LPCAT1: variants seen among roughly 807,000 people sequenced by gnomAD.
LPCAT1 encodes 1-acylglycerol-3-phosphate O-acyltransferase.
A neutral mutation model predicts 60.9 loss-of-function variants in LPCAT1; 23 were observed. The ratio of observed to expected loss-of-function variants is 0.38; its 90% CI spans 0.27 to 0.53. The LOEUF is 0.53. Ranked by LOEUF, LPCAT1 falls within the 20% of genes least tolerant of loss-of-function variation. The probability of loss-of-function intolerance (pLI) is 0.82; values close to 1 mark genes in which losing one functional copy is unlikely to be tolerated. For missense variants in LPCAT1, 622 were observed against 723.6 expected (o/e 0.86, Z 1.61); for synonymous variants, 340 against 301.1 (o/e 1.13, Z -1.34).
At chr5:1,499,421 C>T (rs1214941206) in intron 2 of LPCAT1, among the ~76,000 whole-genome samples, 5 of 152,208 alleles carry the variant, frequency 3.3e-5, no homozygotes, top group Admixed American at 1.3e-4. Flanking sequence ...TACAGAACCC[C>T]CACTTTCTAG....
chr5:1,515,409 G>A (rs898735111), intron 1 of LPCAT1, among the ~76,000 whole-genome samples: 1 of 150,730 alleles, frequency 6.6e-6, no homozygotes, highest in East Asian at 2.0e-4. Flanking sequence ...AGCCTGCCCT[G>A]TACACCCTGC....
intron 11 of LPCAT1, among the ~76,000 whole-genome samples, chr5:1,472,104 A>C (rs777826419): frequency 6.2e-5 from 3 of 48,260 alleles, no homozygotes; most frequent in Non-Finnish European, 1.2e-4. Flanking sequence ...GCAGGAGATA[A>C]TGAGCACCCA....
At chr5:1,515,814 C>T (rs181752774) in intron 1 of LPCAT1, among the ~76,000 whole-genome samples, 8 of 152,090 alleles carry the variant, frequency 5.3e-5, no homozygotes, top group Admixed American at 6.5e-5. Context: ...TCTGGGTCTG[C>T]GCCACCATCT....
chr5:1,497,085 A>C lies in LPCAT1; in HGVS notation c.279-2171T>G, dbSNP rs551765862. 5.9e-5 allele frequency among the ~76,000 whole-genome samples: 9 copies of C among 152,348 alleles called. 1 individual carries two copies. The East Asian group carries it at 1.7e-3, about 29-fold the overall frequency. On this transcript the variant is annotated intron_variant, in intron 2 of 13. Transcript: ENST00000283415. ...AGCAGAGGACTGACCCCAAGGAGACAGAAAGGGTGGGCATCAGAAGAGGGG... is the reference window on the plus strand; with the variant it reads ...AGCAGAGGACTGACCCCAAGGAGACCGAAAGGGTGGGCATCAGAAGAGGGG...
At chr5:1,466,164 G>A (rs960741167) in intron 13 of LPCAT1, among the ~76,000 whole-genome samples, 2 of 152,230 alleles carry the variant, frequency 1.3e-5, no homozygotes, top group African/African-American at 2.4e-5. Flanking sequence ...GAGGCGCCCC[G>A]GGCTCGGGTT....
chr5:1,513,174 C>T (rs1034796167), intron 1 of LPCAT1, among the ~76,000 whole-genome samples: 5 of 152,204 alleles, frequency 3.3e-5, no homozygotes, highest in Non-Finnish European at 7.3e-5. Flanking sequence ...CCAGGCTGGC[C>T]TCCGGGTCCT....
intron 1 of LPCAT1, among the ~76,000 whole-genome samples, chr5:1,514,079 A>T (rs1037170988): frequency 6.6e-6 from 1 of 152,244 alleles, no homozygotes; most frequent in Non-Finnish European, 1.5e-5. Context: ...AGAAGCTCCA[A>T]TGAGAACGGG....
intron 1 of LPCAT1, among the ~76,000 whole-genome samples, chr5:1,520,609 C>A (rs1436869958): frequency 6.6e-6 from 1 of 151,880 alleles, no homozygotes; most frequent in Admixed American, 6.6e-5. Context: ...GCCTGTAATC[C>A]CAGCACTTTG....
chr5:1,466,772 T>C lies in LPCAT1; in HGVS notation c.1397A>G (p.Glu466Gly). The part of the protein sequence containing the change: ...VTDLFRAIDQ[E>G]EKGKITFADF... ...ACCGAATGTGATCTTCCCCTTCTCC[T>C]CTTGGTCAATGGCTCGGAATAGGTC... is the stretch of plus-strand genomic sequence containing the variant. Residue 466 changes from glutamate to glycine, a missense_variant, in exon 13 of 14, where the codon GAG (glutamate) becomes GGG (glycine). Physicochemically the swap from Glu to Gly is moderately conservative, Grantham distance 98 (BLOSUM62 -2). Around this residue, in one of 3 missense-constraint regions of LPCAT1, gnomAD observed 288 missense variants for 283.6 expected, o/e 1.02. Transcript: ENST00000283415. The C allele has an allele frequency of 1.6e-5, 25 of 1,612,138 alleles. No individual in the cohort carries two copies. The highest frequency in any genetic ancestry group is 2.0e-5 in the Non-Finnish European group (24 of 1,178,890).
intron 1 of LPCAT1, among the ~76,000 whole-genome samples, chr5:1,507,134 G>A (rs1340258608): frequency 1.3e-5 from 2 of 152,288 alleles, no homozygotes; most frequent in East Asian, 1.9e-4. Flanking sequence ...AGGAGAACAC[G>A]GACCACGCTC....
In LPCAT1 at chr5:1,477,598, T is replaced by A; in HGVS notation, c.817-112A>T. On this transcript the variant is annotated intron_variant, in intron 8 of 13. Coordinates refer to ENST00000283415, the MANE Select transcript of LPCAT1 (RefSeq NM_024830.5). This position sits in a 1 kb window ranked among gnomAD's most constrained non-coding sequence, Gnocchi z 6.0. ...TAAGATCTGTCAAAGTAACGCCCATTAGAACCGTCTTCAAAGTTGTCATGT... is the reference window on the plus strand; with the variant it reads ...TAAGATCTGTCAAAGTAACGCCCATAAGAACCGTCTTCAAAGTTGTCATGT... 1.3e-6 allele frequency: 1 copy of A among 744,682 alleles called. No individual in the cohort carries two copies. Among genetic ancestry groups the A allele is most frequent in the Non-Finnish European group, 2.2e-6 (1 of 444,662 alleles). 46.1% of individuals were successfully genotyped at this position (744,682 alleles called of 1,614,324 possible). A position where few individuals can be genotyped will look rare whatever the true frequency, so the allele number is the denominator to read the frequency against.
At chr5:1,488,359 G>A (rs1735447570) in intron 5 of LPCAT1, 32 bp downstream of exon 5, 1 of 1,398,640 alleles carries the variant, frequency 7.1e-7, no homozygotes, top group Non-Finnish European at 9.9e-7. Flanking sequence ...TTTTCTCTAG[G>A]AGAAAAATAA....
intron 5 of LPCAT1, among the ~76,000 whole-genome samples, chr5:1,486,474 A>G (rs1735375260): frequency 6.6e-6 from 1 of 152,196 alleles, no homozygotes; most frequent in Non-Finnish European, 1.5e-5. Flanking sequence ...AGTGGTGCCC[A>G]AACGGGTGAC....
chr5:1,491,707 G>A (rs967526625), intron 3 of LPCAT1, among the ~76,000 whole-genome samples: 4 of 152,208 alleles, frequency 2.6e-5, no homozygotes, highest in African/African-American at 9.7e-5. Context: ...GAAGGTGACA[G>A]CGTTCTGCCG....
chr5:1,488,237 T>C (rs1735443985), intron 5 of LPCAT1, 154 bp downstream of exon 5: 1 of 537,822 alleles, frequency 1.9e-6, no homozygotes, highest in Non-Finnish European at 3.3e-6. Context: ...CTCAAATTTA[T>C]TTTGTGACTT....
rs773123335 is a variant in LPCAT1, at chr5:1,466,730, C to A, written c.1420+19G>T. 34 of 1,602,064 alleles carry A rather than the reference C, an allele frequency of 2.1e-5. No homozygotes were observed. The highest frequency in any genetic ancestry group is 6.7e-5 in the African/African-American group (5 of 74,488). On this transcript the variant is annotated intron_variant, in intron 13 of 13. Transcript: ENST00000283415. ...CCCGCCCAAGGGTCGCGAGGACGACCCCACTCCTGCGGGCTCACCGAATGT... is the reference window on the plus strand; with the variant it reads ...CCCGCCCAAGGGTCGCGAGGACGACACCACTCCTGCGGGCTCACCGAATGT...
intron 2 of LPCAT1, among the ~76,000 whole-genome samples, chr5:1,499,389 T>A (rs1735923709): frequency 6.6e-6 from 1 of 152,078 alleles, no homozygotes; most frequent in Non-Finnish European, 1.5e-5. Context: ...TTCAGCCAGG[T>A]CACCTGCAGC....
chr5:1,489,684 T>C, intron 4 of LPCAT1, 62 bp downstream of exon 4: 1 of 1,231,896 alleles, frequency 8.1e-7, no homozygotes, highest in Non-Finnish European at 1.2e-6. Context: ...TTCTCCCCAC[T>C]CGCGAAGTTC....
Position 1,477,973 on chromosome 5 carries a change from CAG to C in LPCAT1, c.817-489_817-488del, listed in dbSNP as rs1734990800. ...CTCTCTGATCTACACTCACCCCCGT[CAG>C]TGCTCCTAGGAGCTCCTGCTGCCTA... On this transcript the variant is annotated intron_variant, in intron 8 of 13. Transcript: ENST00000283415. The surrounding 1 kb of genome is among the most constrained non-coding windows in gnomAD (Gnocchi z 6.0). Among the ~76,000 whole-genome samples, 1 of 152,126 alleles carries C rather than the reference CAG, an allele frequency of 6.6e-6. No individual in the cohort carries two copies. Among genetic ancestry groups the C allele is most frequent in the African/African-American group, 2.4e-5 (1 of 41,414 alleles).
Sources: gnomAD v4.1 joint callset for allele counts (sites outside exome capture counted in the v4.1 genomes callset) on GRCh38, gnomAD v4.1.1 for gene constraint, gnomAD v4.1.1 regional missense constraint, Gnocchi (gnomAD v3.1) non-coding constraint, MANE v1.5 for transcripts, NCBI Gene and HGNC (gene_info 2026-07-23, HGNC 2026-07-21) for gene names.